The following BRD7 variants were observed in gnomAD, a reference collection of about 807,000 sequenced individuals.
The protein encoded by BRD7 is bromodomain containing 7, also known as bromodomain-containing protein 7.
BRD7 carries 15 observed loss-of-function variants against 82.1 expected under a neutral mutation model. That is an observed-to-expected ratio of 0.18 (90% CI 0.12 to 0.28). The LOEUF is 0.28. Ranked by LOEUF, BRD7 falls within the 10% of genes least tolerant of loss-of-function variation. BRD7 has a pLI of 1.00. For synonymous variants in BRD7, 232 were observed against 266.9 expected (o/e 0.87, Z 1.27); for missense variants, 638 against 779.9 (o/e 0.82, Z 2.17).
intron 2 of BRD7, among the ~76,000 whole-genome samples, chr16:50,365,558 A>C (rs2039109720): frequency 6.6e-6 from 1 of 152,204 alleles, no homozygotes; most frequent in African/African-American, 2.4e-5. Flanking sequence ...AGCAAAAGAA[A>C]ACTTAGGAGA....
chr16:50,337,912 G>C (rs9937923), intron 6 of BRD7, among the ~76,000 whole-genome samples: 33,982 of 151,816 alleles, frequency 0.22, 4,235 homozygotes, highest in African/African-American at 0.31. Context: ...AAAGAAAGAG[G>C]GAGAGAGGGA....
At position 50,318,990 on chromosome 16, in the gene BRD7, G is replaced by T. The variant is rs2036948020; in HGVS notation, c.*221C>A. 20 of 464,194 alleles carry T rather than the reference G, an allele frequency of 4.3e-5. No homozygotes were observed. The highest frequency in any genetic ancestry group is 5.9e-4 in the Middle Eastern group (1 of 1,702). The allele number at this position is 464,194 out of a possible 1,614,324, so 28.8% of individuals were successfully genotyped here. ...TTGGAAGGCACTATTTTGAAAGAATGCTGCACAGGTATGGCAACAGCCCCA... is the reference window on the plus strand; with the variant it reads ...TTGGAAGGCACTATTTTGAAAGAATTCTGCACAGGTATGGCAACAGCCCCA... On this transcript the variant is annotated 3_prime_UTR_variant, in exon 17 of 17. Transcript: ENST00000394688.
At chr16:50,357,271 G>C (rs2038772026) in intron 2 of BRD7, among the ~76,000 whole-genome samples, 1 of 152,162 alleles carries the variant, frequency 6.6e-6, no homozygotes, top group Non-Finnish European at 1.5e-5. Context: ...GAGAATCACT[G>C]ATCTAGAGCT....
intron 7 of BRD7, 25 bp from the exon 8 acceptor site, chr16:50,333,722 T>TAAAAAAA: frequency 9.5e-7 from 1 of 1,048,618 alleles, no homozygotes; most frequent in Non-Finnish European, 1.4e-6. Context: ...TAATACTAAG[T>TAAAAAAA]AAAAAAAAAA....
rs754829595 is a variant in BRD7, at chr16:50,322,039, C to T, written c.1444-1G>A. The T allele has an allele frequency of 6.3e-7, 1 of 1,596,314 alleles. No homozygotes were observed. Among genetic ancestry groups the T allele is most frequent in the South Asian group, 1.2e-5 (1 of 86,622 alleles). ...TATGGCCTTCATCTTCAGGCAATGACTATAAGGATGAAGAAAAACAGCTTT... is the reference window on the plus strand; with the variant it reads ...TATGGCCTTCATCTTCAGGCAATGATTATAAGGATGAAGAAAAACAGCTTT... On this transcript the variant is annotated splice_acceptor_variant, in intron 12 of 16. Coordinates refer to ENST00000394688, the MANE Select transcript of BRD7 (RefSeq NM_013263.5). LOFTEE classifies it high-confidence loss of function.
At chr16:50,365,907 A>G (rs2039124472) in intron 2 of BRD7, among the ~76,000 whole-genome samples, 1 of 152,204 alleles carries the variant, frequency 6.6e-6, no homozygotes, top group Non-Finnish European at 1.5e-5. Flanking sequence ...GAACACAGGA[A>G]TACTTCAAGC....
In BRD7 at chr16:50,318,938, CTGTCTGTGGGACA is replaced by C. The variant is rs1326772940; in HGVS notation, c.*260_*272del. 2.9e-6 allele frequency: 1 copy of C among 348,018 alleles called. No individual in the cohort carries two copies. Among genetic ancestry groups the C allele is most frequent in the East Asian group, 4.8e-5 (1 of 20,786 alleles). 21.6% of individuals were successfully genotyped at this position (348,018 alleles called of 1,614,324 possible). A position where few individuals can be genotyped will look rare whatever the true frequency, so the allele number is the denominator to read the frequency against. On this transcript the variant is annotated 3_prime_UTR_variant, in exon 17 of 17. Coordinates refer to ENST00000394688, the MANE Select transcript of BRD7 (RefSeq NM_013263.5). ...TTAAGAACGCTTCTTAGTGATGATCCTGTCTGTGGGACATAAGGAAGAAGCATTGGAAGGCACT... is the reference window on the plus strand; with the variant it reads ...TTAAGAACGCTTCTTAGTGATGATCCTAAGGAAGAAGCATTGGAAGGCACT...
intron 12 of BRD7, 27 bp downstream of exon 12, chr16:50,323,560 C>T (rs1414045374): frequency 2.1e-6 from 3 of 1,458,690 alleles, no homozygotes; most frequent in Middle Eastern, 2.1e-4. Flanking sequence ...TAATAAATTA[C>T]CCTGTTTTCA....
chr16:50,329,020 T>G (rs543175654), intron 8 of BRD7, among the ~76,000 whole-genome samples: 48 of 152,362 alleles, frequency 3.2e-4, no homozygotes, highest in South Asian at 2.9e-3. Flanking sequence ...TTTCCACTTA[T>G]GTCATCATGT....
At chr16:50,347,501 T>C (rs1347676059) in intron 5 of BRD7, among the ~76,000 whole-genome samples, 2 of 152,048 alleles carry the variant, frequency 1.3e-5, no homozygotes, top group Non-Finnish European at 2.9e-5. Context: ...GATTGTATAT[T>C]TAGAAAACCC....
At chr16:50,352,701 G>GTTTTTTTTTTTTTTTTTTTTTTT (rs34714781) in intron 4 of BRD7, among the ~76,000 whole-genome samples, 1 of 127,628 alleles carries the variant, frequency 7.8e-6, no homozygotes. Flanking sequence ...TGCCAGCTTT[G>GTTTTTTTTTTTTTTTTTTTTTTT]TTTTTTTTTT....
In BRD7 at chr16:50,316,145, CTT is replaced by C. The variant is rs1724769926; in HGVS notation, c.*3064_*3065del. ...ATGGGGTTTTTATCCTTTTGAATGA[CTT>C]TTCAGACACTAGACATAAATCTCTT... On this transcript the variant is annotated 3_prime_UTR_variant, in exon 17 of 17. Transcript: ENST00000394688. 6.6e-6 allele frequency: 1 copy of C among 152,628 alleles called. No individual in the cohort carries two copies. The highest frequency in any genetic ancestry group is 2.4e-5 in the African/African-American group (1 of 41,450). 9.5% of individuals were successfully genotyped at this position (152,628 alleles called of 1,614,324 possible). A position where few individuals can be genotyped will look rare whatever the true frequency, so the allele number is the denominator to read the frequency against.
intron 2 of BRD7, among the ~76,000 whole-genome samples, chr16:50,358,793 A>G (rs943177456): frequency 1.3e-5 from 2 of 152,228 alleles, no homozygotes; most frequent in Admixed American, 1.3e-4. Flanking sequence ...GGAGTCCAAA[A>G]GAAAAAAAGA....
At position 50,318,135 on chromosome 16, in the gene BRD7, A is replaced by C. The variant is rs1000713702; in HGVS notation, c.*1076T>G. 1.3e-5 allele frequency: 2 copies of C among 152,274 alleles called. No homozygotes were observed. The highest frequency in any genetic ancestry group is 6.5e-5 in the Admixed American group (1 of 15,286). The allele number at this position is 152,274 out of a possible 1,614,324, so 9.4% of individuals were successfully genotyped here. A position where few individuals can be genotyped will look rare whatever the true frequency, so the allele number is the denominator to read the frequency against. On this transcript the variant is annotated 3_prime_UTR_variant, in exon 17 of 17. Coordinates refer to ENST00000394688, the MANE Select transcript of BRD7 (RefSeq NM_013263.5). The stretch of plus-strand genomic sequence containing the variant: ...TAAATTAGCAATTTGAAAAACTCAA[A>C]TATCTGAAGGTATTTTATTTTCGTG...
In BRD7 at chr16:50,317,697, G is replaced by C. The variant is rs1269585990; in HGVS notation, c.*1514C>G. 2.6e-5 allele frequency: 4 copies of C among 152,240 alleles called. No homozygotes were observed. Among genetic ancestry groups the C allele is most frequent in the African/African-American group, 4.8e-5 (2 of 41,402 alleles). The allele number at this position is 152,240 out of a possible 1,614,324, so 9.4% of individuals were successfully genotyped here. ...AACTGACCATAAAAATTACCTGCAG[G>C]TATTTTCTTTTTATGAACTTGTTTT... On this transcript the variant is annotated 3_prime_UTR_variant, in exon 17 of 17. Transcript: ENST00000394688.
intron 2 of BRD7, among the ~76,000 whole-genome samples, chr16:50,357,533 A>C (rs1023551461): frequency 3.9e-5 from 6 of 152,214 alleles, no homozygotes; most frequent in Non-Finnish European, 1.5e-5. Flanking sequence ...CATTCTATGA[A>C]ATAACAGCCA....
chr16:50,352,294 G>A (rs1567282530), intron 4 of BRD7, among the ~76,000 whole-genome samples: 2 of 152,208 alleles, frequency 1.3e-5, no homozygotes, highest in South Asian at 2.1e-4. Flanking sequence ...CAAAAGGATC[G>A]TGCAGTATTT....
At chr16:50,328,928 T>C (rs1219830419) in intron 8 of BRD7, among the ~76,000 whole-genome samples, 184 bp from the exon 9 acceptor site, 3 of 152,222 alleles carry the variant, frequency 2.0e-5, no homozygotes, top group East Asian at 1.9e-4. Context: ...ATGTTTCATA[T>C]ACACTTTACA....
rs2038660928 is a variant in BRD7 at position 50,354,573 on chromosome 16, A to G, written c.389-91T>C. On this transcript the variant is annotated intron_variant, in intron 3 of 16. Transcript: ENST00000394688. The stretch of plus-strand genomic sequence containing the variant: ...GATCATTTTCTACAACCATTATTAA[A>G]TATCTCATACAGAAATTCCATTTAT... 3.2e-6 allele frequency: 4 copies of G among 1,239,754 alleles called. No homozygotes were observed. In the South Asian group the frequency reaches 4.0e-5, roughly 13 times the overall value. 76.8% of individuals were successfully genotyped at this position (1,239,754 alleles called of 1,614,324 possible).
Sources: gnomAD v4.1 joint callset for allele counts (sites outside exome capture counted in the v4.1 genomes callset) on GRCh38, gnomAD v4.1.1 for gene constraint, MANE v1.5 for transcripts, NCBI Gene and HGNC (gene_info 2026-07-23, HGNC 2026-07-21) for gene names.